FRMPD2: variants seen among roughly 807,000 people sequenced by gnomAD.
FRMPD2 encodes FERM and PDZ domain-containing protein 2.
FRMPD2 carries 96 observed loss-of-function variants against 140.1 expected under a neutral mutation model. The observed-to-expected ratio is 0.69, with a 90% CI of 0.58 to 0.81. The LOEUF is 0.81. Ranked by LOEUF, FRMPD2 falls within the 40% of genes least tolerant of loss-of-function variation. The pLI is 0.00. For synonymous variants in FRMPD2, 449 were observed against 547.6 expected (o/e 0.82, Z 2.52); for missense variants, 1,240 against 1,447.4 (o/e 0.86, Z 2.32).
At chr10:48,163,704 C>A in intron 27 of FRMPD2, 33 bp from the exon 28 acceptor site, 4 of 1,470,482 alleles carry the variant, frequency 2.7e-6, no homozygotes, top group Non-Finnish European at 3.8e-6. Context: ...TTACTGGCTG[C>A]GGGATGCACA....
intron 4 of FRMPD2, 55 bp from the exon 5 acceptor site, chr10:48,242,407 G>C (rs904728715): frequency 2.7e-6 from 4 of 1,508,024 alleles, no homozygotes; most frequent in Non-Finnish European, 3.6e-6. Flanking sequence ...GCCACTACGA[G>C]GCCAGCACCT....
In FRMPD2 at chr10:48,239,724, A is replaced by G. The variant is rs372295679; in HGVS notation, c.701-32T>C. The G allele has an allele frequency of 2.0e-6, 3 of 1,524,858 alleles. No individual in the cohort carries two copies. The African/African-American group carries it at 4.1e-5, about 21-fold the overall frequency. The allele number at this position is 1,524,858 out of a possible 1,614,324, so 94.5% of individuals were successfully genotyped here. On this transcript the variant is annotated intron_variant, in intron 6 of 28. Coordinates refer to ENST00000374201, the MANE Select transcript of FRMPD2 (RefSeq NM_001018071.4). ...AAGCAGCATGGTAGAGGGTATGGGC[A>G]GAAGCCAAGATCACGGCTTTCTTAA...
intron 12 of FRMPD2, among the ~76,000 whole-genome samples, chr10:48,221,349 C>T (rs1218839373): frequency 1.3e-5 from 2 of 152,162 alleles, no homozygotes; most frequent in Non-Finnish European, 2.9e-5. Flanking sequence ...GGAAACCAAA[C>T]ATCATATGTT....
At chr10:48,242,446 C>A in intron 4 of FRMPD2, 94 bp from the exon 5 acceptor site, 5 of 1,101,596 alleles carry the variant, frequency 4.5e-6, no homozygotes, top group Non-Finnish European at 6.6e-6. Flanking sequence ...GACATGGAAA[C>A]GGGTGTTCCC....
At chr10:48,240,575 C>G in intron 5 of FRMPD2, 83 bp from the exon 6 acceptor site, 2 of 1,566,986 alleles carry the variant, frequency 1.3e-6, no homozygotes, top group Non-Finnish European at 1.7e-6. Context: ...GGCTGTCAGA[C>G]TGAATCAATG....
intron 14 of FRMPD2, among the ~76,000 whole-genome samples, chr10:48,206,390 A>G (rs2131872672): frequency 6.6e-6 from 1 of 152,240 alleles, no homozygotes; most frequent in South Asian, 2.1e-4. Context: ...CTACACTCTC[A>G]ACCCCCATCT....
At chr10:48,163,012 C>G (rs1837985110) in intron 28 of FRMPD2, among the ~76,000 whole-genome samples, 1 of 143,154 alleles carries the variant, frequency 7.0e-6, no homozygotes, top group Non-Finnish European at 1.5e-5. Context: ...CTTCTTACTA[C>G]AAAGCTTTAA....
At chr10:48,265,845 C>CT (rs747519655) in intron 1 of FRMPD2, among the ~76,000 whole-genome samples, 77 of 152,158 alleles carry the variant, frequency 5.1e-4, no homozygotes, top group Non-Finnish European at 8.4e-4. Context: ...TACCATTTGA[C>CT]CCAGCAATCC....
chr10:48,203,152 G>A (rs1297070215), intron 14 of FRMPD2, among the ~76,000 whole-genome samples: 1 of 152,106 alleles, frequency 6.6e-6, no homozygotes, highest in Non-Finnish European at 1.5e-5. Context: ...TGAAAAGGGA[G>A]AATCATTCAC....
At chr10:48,231,985 A>G (rs2131924661) in intron 10 of FRMPD2, 130 bp downstream of exon 10, 1 of 743,234 alleles carries the variant, frequency 1.3e-6, no homozygotes, top group East Asian at 2.6e-5. Context: ...ATGCTGACTA[A>G]TGTCTAGGCA....
At chr10:48,240,620 G>T in intron 5 of FRMPD2, 128 bp from the exon 6 acceptor site, 3 of 1,281,000 alleles carry the variant, frequency 2.3e-6, no homozygotes, top group African/African-American at 1.5e-5. Context: ...ACCTAAAGAT[G>T]TGTTCTCTGG....
In FRMPD2 at chr10:48,222,450, G is replaced by T. The variant is rs144515014; in HGVS notation, c.1318C>A (p.His440Asn). Residue 440 changes from histidine to asparagine, a missense_variant and splice_region_variant, in exon 12 of 29, where the codon CAC becomes AAC. By Grantham distance (68) the His-to-Asn change is moderately conservative. Around this residue, in one of 6 missense-constraint regions of FRMPD2, gnomAD observed 1,161 missense variants for 1,055.9 expected, o/e 1.10. Coordinates refer to ENST00000374201, the MANE Select transcript of FRMPD2 (RefSeq NM_001018071.4). ...FFVSHYGLLQHSLTRHQFYLQ... is the reference protein window; with the variant it reads ...FFVSHYGLLQNSLTRHQFYLQ... ...TAAAACTGGTGCCTTGTCAGGCTGT[G>T]CCTGGAAAAGAAGTAGCAATAAAAA... 2.1e-4 allele frequency: 339 copies of T among 1,613,786 alleles called. 1 individual carries two copies. Among genetic ancestry groups the T allele is most frequent in the Non-Finnish European group, 2.4e-4 (280 of 1,179,850 alleles).
chr10:48,159,315 T>C (rs1837871774), intron 28 of FRMPD2: 1 of 451,690 alleles, frequency 2.2e-6, no homozygotes, highest in Non-Finnish European at 4.4e-6. Context: ...TGAAGTACAA[T>C]ACTTAGGATT....
At chr10:48,200,460 A>G (rs1199047729) in intron 15 of FRMPD2, among the ~76,000 whole-genome samples, 1 of 152,242 alleles carries the variant, frequency 6.6e-6, no homozygotes, top group African/African-American at 2.4e-5. Flanking sequence ...AGTTTTATCT[A>G]TAAAAGCCAA....
At chr10:48,232,819 G>A (rs560915957) in intron 9 of FRMPD2, among the ~76,000 whole-genome samples, 3 of 152,140 alleles carry the variant, frequency 2.0e-5, no homozygotes, top group African/African-American at 7.2e-5. Context: ...GAAATGGGTC[G>A]GCAGAGCCAA....
At chr10:48,180,320 G>A (rs1838512765) in intron 21 of FRMPD2, among the ~76,000 whole-genome samples, 2 of 152,270 alleles carry the variant, frequency 1.3e-5, no homozygotes, top group South Asian at 4.2e-4. Flanking sequence ...GCAGAGGACA[G>A]CAGAGCTGGG....
intron 12 of FRMPD2, among the ~76,000 whole-genome samples, chr10:48,216,290 GGATAGATAGATA>G (rs71788001): frequency 9.4e-5 from 14 of 149,676 alleles, no homozygotes; most frequent in South Asian, 2.2e-4. Flanking sequence ...CATAGATGAT[GGATAGATAGATA>G]GATAGATAGA....
rs1207647817 is a variant in FRMPD2 at position 48,251,547 on chromosome 10, C to T, written c.151+19G>A. The T allele has an allele frequency of 6.2e-7, 1 of 1,611,840 alleles. No individual in the cohort carries two copies. Among genetic ancestry groups the T allele is most frequent in the Non-Finnish European group, 8.5e-7 (1 of 1,179,228 alleles). Reference sequence around the variant, plus strand: ...CATACAACTCCCTGTGATTTGACTGCCCCCAAACACTCTCTTACCGTTGCG... The same window carrying T: ...CATACAACTCCCTGTGATTTGACTGTCCCCAAACACTCTCTTACCGTTGCG... On this transcript the variant is annotated intron_variant, in intron 2 of 28. Transcript: ENST00000374201.
At chr10:48,231,204 A>T (rs1337388010) in intron 10 of FRMPD2, among the ~76,000 whole-genome samples, 3 of 152,240 alleles carry the variant, frequency 2.0e-5, no homozygotes, top group Non-Finnish European at 4.4e-5. Context: ...AAATGTAAAC[A>T]TTATCAATAC....
Sources: gnomAD v4.1 joint callset for allele counts (sites outside exome capture counted in the v4.1 genomes callset) on GRCh38, gnomAD v4.1.1 for gene constraint, gnomAD v4.1.1 regional missense constraint, MANE v1.5 for transcripts, NCBI Gene and HGNC (gene_info 2026-07-23, HGNC 2026-07-21) for gene names.